Variants in NTM observed in about 807,000 individuals in gnomAD.
The protein encoded by NTM is neurotrimin.
NTM carries 13 observed loss-of-function variants against 42.1 expected under a neutral mutation model. That is an observed-to-expected ratio of 0.31 (90% confidence interval 0.20 to 0.49). NTM has a LOEUF of 0.49. NTM is among the 20% of genes least tolerant of loss of function. The pLI, the probability that NTM is intolerant of heterozygous loss-of-function variation, is 0.99. For missense variants in NTM, 373 were observed against 452.8 expected, an observed-to-expected ratio of 0.82 and a Z score of 1.60; for synonymous variants, 187 against 179.2, an observed-to-expected ratio of 1.04 and a Z score of -0.35.
chr11:131,401,820 A>ATATATATGTGTGTG (rs1555101753), intron 1 of NTM, among the ~76,000 whole-genome samples: 1 of 49,914 alleles, frequency 2.0e-5, no homozygotes, highest in African/African-American at 9.1e-5. Flanking sequence ...ATATATATAT[A>ATATATATGTGTGTG]TATATATATA....
intron 1 of NTM, among the ~76,000 whole-genome samples, chr11:131,754,991 A>C (rs941029479): frequency 1.3e-5 from 2 of 152,194 alleles, no homozygotes; most frequent in African/African-American, 4.8e-5. Context: ...GGAAAGGCAA[A>C]ACTAATCTAA....
intron 1 of NTM, among the ~76,000 whole-genome samples, chr11:131,787,882 T>A (rs1490775899): frequency 6.6e-6 from 1 of 152,254 alleles, no homozygotes; most frequent in African/African-American, 2.4e-5. Context: ...GTTAGCATTT[T>A]GCTAGGATAG....
At chr11:131,771,575 G>C (rs1180626244) in intron 1 of NTM, 1 of 152,262 alleles carries the variant, frequency 6.6e-6, no homozygotes, top group East Asian at 1.9e-4. Context: ...GTATTTTCAA[G>C]AACGGTGAAG....
Position 131,632,568 on chromosome 11 carries a change from G to A in NTM, c.82+261680G>A, listed in dbSNP as rs189541598. On this transcript the variant is annotated intron_variant, in intron 1 of 8. Coordinates refer to ENST00000683400, the MANE Select transcript of NTM (RefSeq NM_001352005.2). ...AGGGTTCTTCCTTTGACATTTGAAA[G>A]CAGAGTTTCTTTTTTATTTCTTATT... Among the ~76,000 whole-genome samples, 339 of 151,540 alleles carry A rather than the reference G, an allele frequency of 2.2e-3. 1 individual carries two copies. The highest frequency in any genetic ancestry group is 7.7e-3 in the African/African-American group (318 of 41,382).
At chr11:131,473,767 C>A (rs1304776422) in intron 1 of NTM, among the ~76,000 whole-genome samples, 1 of 152,130 alleles carries the variant, frequency 6.6e-6, no homozygotes, top group African/African-American at 2.4e-5. Flanking sequence ...CCAGCCAAAT[C>A]ACATGGACAG....
intron 1 of NTM, chr11:131,671,701 T>G (rs891264526): frequency 1.4e-6 from 1 of 707,400 alleles, no homozygotes; most frequent in Non-Finnish European, 1.7e-6. Context: ...CACAGGCCAC[T>G]GGAGAGTGAC....
chr11:131,649,722 C>A (rs1373851469), intron 1 of NTM, among the ~76,000 whole-genome samples: 2 of 152,196 alleles, frequency 1.3e-5, no homozygotes, highest in Non-Finnish European at 2.9e-5. Context: ...AGCCAATACA[C>A]ATGGTGACCA....
rs370880659 is a variant in NTM at position 132,003,538 on chromosome 11, G to T, written c.167+91890G>T. On this transcript the variant is annotated intron_variant, in intron 2 of 8. Transcript: ENST00000683400. The surrounding 1 kb of genome is among the most constrained non-coding windows in gnomAD (Gnocchi z 6.0). ...TGGGATTATAAGCATTAGCCACTGC[G>T]CCTGGCCCATGATTTGCATTTTTAA... is the stretch of plus-strand genomic sequence containing the variant. Among the ~76,000 whole-genome samples the T allele has an allele frequency of 2.0e-5, 3 of 152,070 alleles. No homozygotes were observed. Among genetic ancestry groups the T allele is most frequent in the South Asian group, 4.2e-4 (2 of 4,814 alleles).
chr11:131,994,775 C>A (rs1181196341), intron 2 of NTM, among the ~76,000 whole-genome samples: 1 of 152,118 alleles, frequency 6.6e-6, no homozygotes, highest in Non-Finnish European at 1.5e-5. Context: ...TCTCCAGCTG[C>A]TGTTTGGATA....
chr11:132,139,095 A>G (rs1003665986), intron 2 of NTM, among the ~76,000 whole-genome samples: 2 of 152,138 alleles, frequency 1.3e-5, no homozygotes, highest in Non-Finnish European at 2.9e-5. Flanking sequence ...GTTGGTCTCC[A>G]TGACAGGATT....
chr11:131,873,589 TATATATATACATATATATATACC>T (rs1448937992), intron 1 of NTM, among the ~76,000 whole-genome samples: 1 of 61,896 alleles, frequency 1.6e-5, no homozygotes, highest in African/African-American at 5.3e-5. Context: ...ATATATACCG[TATATATATACATATATATATACC>T]GTATATATAT....
intron 4 of NTM, among the ~76,000 whole-genome samples, chr11:132,243,361 T>A (rs2090536597): frequency 6.6e-6 from 1 of 152,172 alleles, no homozygotes; most frequent in South Asian, 2.1e-4. Flanking sequence ...TCAAAAAATA[T>A]CAAACATATA....
chr11:132,135,071 C>T (rs1310662828), intron 2 of NTM, among the ~76,000 whole-genome samples: 25 of 152,116 alleles, frequency 1.6e-4, no homozygotes. Flanking sequence ...CACAGAATGT[C>T]CCTCGTTAGT....
At chr11:131,879,913 T>G (rs797001529) in intron 1 of NTM, among the ~76,000 whole-genome samples, 9 of 152,308 alleles carry the variant, frequency 5.9e-5, no homozygotes, top group African/African-American at 1.7e-4. Context: ...AAGTGGGGTG[T>G]TAGAAGTTTT....
intron 1 of NTM, among the ~76,000 whole-genome samples, chr11:131,427,167 T>G (rs1248744536): frequency 6.6e-6 from 1 of 150,912 alleles, no homozygotes; most frequent in Non-Finnish European, 1.5e-5. Context: ...GACCGGCACC[T>G]GAGATATCAA....
chr11:131,604,399 A>G (rs376214415), intron 1 of NTM, among the ~76,000 whole-genome samples: 3 of 152,122 alleles, frequency 2.0e-5, no homozygotes, highest in African/African-American at 7.2e-5. Context: ...ATTGAGTTGT[A>G]AGAGTTCTTC....
intron 1 of NTM, among the ~76,000 whole-genome samples, chr11:131,633,186 A>G (rs917129022): frequency 2.6e-5 from 4 of 152,128 alleles, no homozygotes; most frequent in African/African-American, 9.7e-5. Context: ...TGACTCCCCA[A>G]AATCTAGCAT....
At chr11:131,467,148 A>G (rs1951974059) in intron 1 of NTM, among the ~76,000 whole-genome samples, 1 of 152,258 alleles carries the variant, frequency 6.6e-6, no homozygotes, top group Admixed American at 6.5e-5. Context: ...TAAGGAAGGG[A>G]GAGAGTAGAC....
At chr11:131,743,600 A>G (rs181255988) in intron 1 of NTM, among the ~76,000 whole-genome samples, 9 of 152,358 alleles carry the variant, frequency 5.9e-5, no homozygotes, top group African/African-American at 2.2e-4. Context: ...GTGGTCGGCC[A>G]GAATGAAGGC....
Sources: gnomAD v4.1 joint callset for allele counts (sites outside exome capture counted in the v4.1 genomes callset) on GRCh38, gnomAD v4.1.1 for gene constraint, Gnocchi (gnomAD v3.1) non-coding constraint, MANE v1.5 for transcripts, NCBI Gene and HGNC (gene_info 2026-07-23, HGNC 2026-07-21) for gene names.